The following DDC variants were observed in gnomAD, a reference collection of about 807,000 sequenced individuals.
DDC encodes aromatic-L-amino-acid decarboxylase.
DDC carries 43 observed loss-of-function variants against 60.0 expected under a neutral mutation model. The ratio of observed to expected loss-of-function variants is 0.72; its 90% CI spans 0.56 to 0.92. The LOEUF (loss-of-function observed/expected upper bound fraction) is 0.92, where lower values mean the gene tolerates loss of function less well. Ranked by LOEUF, DDC falls within the 40% of genes least tolerant of loss-of-function variation. The pLI is 0.00. For missense variants in DDC, 573 were observed against 620.2 expected (o/e 0.92, Z 0.81); for synonymous variants, 232 against 234.6 (o/e 0.99, Z 0.10).
At chr7:50,501,468 T>C (rs1196052905) in intron 7 of DDC, among the ~76,000 whole-genome samples, 9 of 152,244 alleles carry the variant, frequency 5.9e-5, no homozygotes, top group Non-Finnish European at 1.3e-4. Context: ...ATACCCTCAC[T>C]GGCAAATCAT....
At chr7:50,507,536 A>G (rs2043435644) in intron 6 of DDC, among the ~76,000 whole-genome samples, 1 of 152,158 alleles carries the variant, frequency 6.6e-6, no homozygotes, top group Non-Finnish European at 1.5e-5. Context: ...CCAGCCAATA[A>G]CTTCTATTAT....
At chr7:50,481,267 A>G (rs1310111191) in intron 9 of DDC, among the ~76,000 whole-genome samples, 7 of 152,180 alleles carry the variant, frequency 4.6e-5, no homozygotes, top group African/African-American at 1.7e-4. Context: ...TGTCTAGTGT[A>G]TATTCTTTCT....
intron 8 of DDC, among the ~76,000 whole-genome samples, chr7:50,496,942 T>A (rs2043139900): frequency 6.6e-6 from 1 of 152,230 alleles, no homozygotes; most frequent in Non-Finnish European, 1.5e-5. Flanking sequence ...TTCTAGGTTT[T>A]AATAAAAGTA....
chr7:50,463,260 C>G lies in DDC; in HGVS notation c.1414G>C (p.Ala472Pro). 6.2e-7 allele frequency: 1 copy of G among 1,614,024 alleles called. No individual in the cohort carries two copies. Among genetic ancestry groups the G allele is most frequent in the Non-Finnish European group, 8.5e-7 (1 of 1,179,960 alleles). Residue 472 changes from alanine (A) to proline (P), a missense_variant, in exon 14 of 15, where the codon GCC becomes CCC. By Grantham distance (27) the Ala-to-Pro change is conservative. Transcript: ENST00000444124. ...RAWEHIKELA[A>P]DVLRAERE ...TCCCTCTCTGCTCGCAGCACGTCGGCCGCCAGCTCTTTGATGTGTTCCCAG... is the reference window on the plus strand; with the variant it reads ...TCCCTCTCTGCTCGCAGCACGTCGGGCGCCAGCTCTTTGATGTGTTCCCAG...
Position 50,529,281 on chromosome 7 carries a change from C to G in DDC, c.497G>C (p.Arg166Pro), listed in dbSNP as rs767557648. The change falls in exon 5 of 15, where the codon CGG (arginine) becomes CCG (proline). Residue 166 changes from arginine (R) to proline (P), a missense_variant. Transcript: ENST00000444124. ...LLAARTKVIH[R>P]LQAASPELTQ... is the part of the protein sequence containing the mutation. ...GAGCTCTGGGGACGCTGCCTGCAGC[C>G]GATGGATCACTTTGGTCCGAGCGGC... 23 of 1,613,972 alleles carry G rather than the reference C, an allele frequency of 1.4e-5. No homozygotes were observed. The South Asian group carries it at 2.4e-4, about 17-fold the overall frequency.
chr7:50,464,894 T>C (rs1435987897), intron 13 of DDC, among the ~76,000 whole-genome samples: 1 of 152,194 alleles, frequency 6.6e-6, no homozygotes, highest in African/African-American at 2.4e-5. Flanking sequence ...AGATGGCAGA[T>C]ATGGAGGCAG....
chr7:50,494,852 G>A (rs1022433069), intron 9 of DDC, among the ~76,000 whole-genome samples: 5 of 151,908 alleles, frequency 3.3e-5, no homozygotes, highest in Non-Finnish European at 7.4e-5. Flanking sequence ...TAGTAGACAC[G>A]GGGTTTTACC....
intron 9 of DDC, among the ~76,000 whole-genome samples, chr7:50,489,289 G>T (rs540019377): frequency 1.3e-5 from 2 of 152,276 alleles, no homozygotes; most frequent in South Asian, 4.2e-4. Context: ...TTACAGGCAT[G>T]AGCCACCACA....
intron 13 of DDC, 66 bp from the exon 14 acceptor site, chr7:50,463,497 T>A: frequency 7.2e-7 from 1 of 1,395,814 alleles, no homozygotes; most frequent in Non-Finnish European, 1.0e-6. Flanking sequence ...ACTGGTCATG[T>A]AGGAAAGACA....
intron 6 of DDC, among the ~76,000 whole-genome samples, chr7:50,511,830 A>C (rs2043589940): frequency 6.6e-6 from 1 of 152,224 alleles, no homozygotes; most frequent in African/African-American, 2.4e-5. Context: ...GAAGGCAAAG[A>C]ATAGAAGACC....
intron 11 of DDC, 143 bp from the exon 12 acceptor site, chr7:50,470,314 G>A (rs1489377895): frequency 4.1e-6 from 3 of 724,370 alleles, no homozygotes; most frequent in Non-Finnish European, 7.5e-6. Context: ...GCCTGTCTTG[G>A]ATGGCAGGGC....
chr7:50,489,198 G>A (rs2042948121), intron 9 of DDC, among the ~76,000 whole-genome samples: 1 of 152,086 alleles, frequency 6.6e-6, no homozygotes, highest in South Asian at 2.1e-4. Context: ...GTAGAGATAA[G>A]GTCTCACCAT....
rs895778346 is a variant in DDC, at chr7:50,510,631, T to C, written c.715-6572A>G. Among the ~76,000 whole-genome samples the C allele has an allele frequency of 7.5e-4, 106 of 140,968 alleles. 2 individuals are homozygous for C. Among genetic ancestry groups the C allele is most frequent in the Non-Finnish European group, 1.1e-4 (7 of 66,618 alleles). The allele number at this position is 140,968 out of a possible 152,430, so 92.5% of individuals were successfully genotyped here. A position where few individuals can be genotyped will look rare whatever the true frequency, so the allele number is the denominator to read the frequency against. ...TTGCAGTGAGCTGAGATCACATCAC[T>C]GCACTCCAGCCTGGGTGACAGAGTG... On this transcript the variant is annotated intron_variant, in intron 6 of 14. Transcript: ENST00000444124.
intron 1 of DDC, among the ~76,000 whole-genome samples, chr7:50,549,388 C>T (rs1308803900): frequency 6.6e-6 from 1 of 152,170 alleles, no homozygotes; most frequent in Non-Finnish European, 1.5e-5. Context: ...CGCAGTGGCT[C>T]ACTCCTGTAA....
chr7:50,489,567 C>T (rs1399105197), intron 9 of DDC, among the ~76,000 whole-genome samples: 1 of 152,170 alleles, frequency 6.6e-6, no homozygotes, highest in Non-Finnish European at 1.5e-5. Flanking sequence ...TTAAAAGCCT[C>T]ATCTTCAGAC....
At chr7:50,526,402 A>G (rs1353207982) in intron 6 of DDC, among the ~76,000 whole-genome samples, 1 of 152,222 alleles carries the variant, frequency 6.6e-6, no homozygotes, top group East Asian at 1.9e-4. Context: ...AACAAAACTG[A>G]GATAATTCAT....
intron 7 of DDC, among the ~76,000 whole-genome samples, chr7:50,501,833 G>T (rs1394966389): frequency 6.6e-6 from 1 of 152,150 alleles, no homozygotes; most frequent in Non-Finnish European, 1.5e-5. Context: ...CATCACACTG[G>T]GAGGCTGAGG....
At chr7:50,543,561 C>G (rs2153550267) in intron 2 of DDC, 1 of 391,054 alleles carries the variant, frequency 2.6e-6, no homozygotes, top group East Asian at 6.1e-5. Flanking sequence ...GTCTTGCTTC[C>G]TAATGTATAT....
At chr7:50,511,149 C>T (rs948881380) in intron 6 of DDC, among the ~76,000 whole-genome samples, 6 of 147,562 alleles carry the variant, frequency 4.1e-5, no homozygotes, top group African/African-American at 1.5e-4. Context: ...ACATAAAATA[C>T]AAATACATAC....
Sources: gnomAD v4.1 joint callset for allele counts (sites outside exome capture counted in the v4.1 genomes callset) on GRCh38, gnomAD v4.1.1 for gene constraint, MANE v1.5 for transcripts, NCBI Gene and HGNC (gene_info 2026-07-23, HGNC 2026-07-21) for gene names.